DCAF10: variants seen among roughly 807,000 people sequenced by gnomAD.
DCAF10 encodes the protein DDB1 and CUL4 associated factor 10.
A neutral mutation model predicts 51.9 loss-of-function variants in DCAF10; 19 were observed. The observed-to-expected ratio is 0.37, with a 90% CI of 0.26 to 0.54. The LOEUF is 0.54. Among genes scored for constraint, DCAF10 ranks in the 20% least tolerant of loss-of-function variants. The probability of loss-of-function intolerance (pLI) is 0.87; values close to 1 mark genes in which losing one functional copy is unlikely to be tolerated. For missense variants in DCAF10, 510 were observed against 730.6 expected (o/e 0.70, Z 3.48); for synonymous variants, 291 against 297.1 (o/e 0.98, Z 0.21).
chr9:37,849,633 A>T (rs1233427755), intron 3 of DCAF10, among the ~76,000 whole-genome samples: 1 of 152,170 alleles, frequency 6.6e-6, no homozygotes, highest in Non-Finnish European at 1.5e-5. Flanking sequence ...CTGTAATCCC[A>T]GCACTTTGGG....
chr9:37,865,547 T>G lies in DCAF10; in HGVS notation c.*4039T>G, dbSNP rs937122554. Reference sequence around the variant, plus strand: ...CATGATAATTGGTAATGTAGTATAATTGTTAGTAAATGCAGTACAAATTGT... The same window carrying G: ...CATGATAATTGGTAATGTAGTATAAGTGTTAGTAAATGCAGTACAAATTGT... On this transcript the variant is annotated 3_prime_UTR_variant, in exon 7 of 7. Coordinates refer to ENST00000377724, the MANE Select transcript of DCAF10 (RefSeq NM_024345.5). The G allele has an allele frequency of 5.3e-5, 8 of 152,214 alleles. No individual in the cohort carries two copies. Among genetic ancestry groups the G allele is most frequent in the African/African-American group, 1.9e-4 (8 of 41,454 alleles). The allele number at this position is 152,214 out of a possible 1,614,324, so 9.4% of individuals were successfully genotyped here.
At chr9:37,858,042 T>C (rs1830904915) in intron 5 of DCAF10, among the ~76,000 whole-genome samples, 2 of 152,222 alleles carry the variant, frequency 1.3e-5, no homozygotes, top group Non-Finnish European at 2.9e-5. Flanking sequence ...GCTTGCTTTT[T>C]TTTTTGTCAT....
At chr9:37,851,308 A>G (rs770383450) in intron 3 of DCAF10, among the ~76,000 whole-genome samples, 6 of 151,984 alleles carry the variant, frequency 3.9e-5, no homozygotes, top group Admixed American at 6.6e-5. Flanking sequence ...TCAGCCTCTC[A>G]AGTACCTGGG....
intron 1 of DCAF10, among the ~76,000 whole-genome samples, chr9:37,803,821 AC>A (rs1330872423): frequency 1.3e-5 from 2 of 151,160 alleles, no homozygotes; most frequent in African/African-American, 4.9e-5. Context: ...ACTTCTCAAT[AC>A]AGAGAAGGAG....
At chr9:37,857,215 T>C (rs1233552095) in intron 4 of DCAF10, 26 bp from the exon 5 acceptor site, 2 of 1,529,592 alleles carry the variant, frequency 1.3e-6, no homozygotes, top group African/African-American at 2.8e-5. Context: ...GCTAGGTTTA[T>C]TGTCAGAATT....
intron 2 of DCAF10, among the ~76,000 whole-genome samples, chr9:37,833,346 T>C (rs1193042113): frequency 6.6e-6 from 1 of 152,210 alleles, no homozygotes; most frequent in Admixed American, 6.6e-5. Flanking sequence ...TTGAAAATAT[T>C]GGAAGTCAAA....
In DCAF10 at chr9:37,821,548, A is replaced by G. The variant is rs556204540; in HGVS notation, c.653+2147A>G. Among the ~76,000 whole-genome samples, 5 of 152,340 alleles carry G rather than the reference A, an allele frequency of 3.3e-5. No homozygotes were observed. In the South Asian group the frequency reaches 1.0e-3, roughly 32 times the overall value. On this transcript the variant is annotated intron_variant, in intron 2 of 6. Coordinates refer to ENST00000377724, the MANE Select transcript of DCAF10 (RefSeq NM_024345.5). ...AAGTGGGGAAAGGACACCCTTTTCAACAAATGGTGCTAGGATAATTGGCTA... is the reference window on the plus strand; with the variant it reads ...AAGTGGGGAAAGGACACCCTTTTCAGCAAATGGTGCTAGGATAATTGGCTA...
intron 2 of DCAF10, among the ~76,000 whole-genome samples, chr9:37,841,684 T>C (rs1340033279): frequency 6.6e-6 from 1 of 152,214 alleles, no homozygotes; most frequent in African/African-American, 2.4e-5. Flanking sequence ...ATTTTGATTA[T>C]GTGTAATGTG....
Position 37,821,104 on chromosome 9 carries a change from T to TATATATAC in DCAF10, c.653+1704_653+1705insTATATACA, listed in dbSNP as rs61079738. On this transcript the variant is annotated intron_variant, in intron 2 of 6. Transcript: ENST00000377724. Reference sequence around the variant, plus strand: ...GCATATACAAACATATATATATATATACACACACACACACTCACACATATG... The same window carrying TATATATAC: ...GCATATACAAACATATATATATATATATATATACACACACACACACACTCACACATATG... Among the ~76,000 whole-genome samples the TATATATAC allele has an allele frequency of 3.5e-3, 464 of 132,366 alleles. 8 individuals are homozygous for TATATATAC. The highest frequency in any genetic ancestry group is 0.029 in the Admixed American group (383 of 13,174). 86.8% of individuals were successfully genotyped at this position (132,366 alleles called of 152,430 possible).
At chr9:37,822,693 G>A (rs1829741707) in intron 2 of DCAF10, among the ~76,000 whole-genome samples, 1 of 152,040 alleles carries the variant, frequency 6.6e-6, no homozygotes, top group Admixed American at 6.6e-5. Flanking sequence ...ATGGTGCAGT[G>A]TATACTGCTT....
intron 3 of DCAF10, among the ~76,000 whole-genome samples, chr9:37,850,490 C>G (rs1041612473): frequency 2.0e-5 from 3 of 151,896 alleles, no homozygotes; most frequent in Admixed American, 1.3e-4. Context: ...TACGAATGAG[C>G]CTGGAGGACA....
intron 2 of DCAF10, chr9:37,836,272 T>C: frequency 3.2e-6 from 5 of 1,578,744 alleles, no homozygotes; most frequent in Non-Finnish European, 3.5e-6. Flanking sequence ...GTGGAATATA[T>C]TCAGCGAAAC....
intron 2 of DCAF10, among the ~76,000 whole-genome samples, chr9:37,831,826 G>C (rs772233969): frequency 2.5e-4 from 38 of 152,292 alleles, no homozygotes; most frequent in Non-Finnish European, 4.9e-4. Flanking sequence ...GCCGGCATCT[G>C]TAATCCCAGC....
intron 3 of DCAF10, among the ~76,000 whole-genome samples, chr9:37,845,790 T>G (rs1326571472): frequency 1.3e-5 from 2 of 152,164 alleles, no homozygotes; most frequent in African/African-American, 4.8e-5. Flanking sequence ...CTATTCTGAC[T>G]GGCAAGTGTT....
chr9:37,800,767 G>A, upstream of DCAF10: 2 of 1,530,224 alleles, frequency 1.3e-6, no homozygotes, highest in Non-Finnish European at 1.7e-6. Context: ...TCCAGCCGGT[G>A]GGGTTAGGCC....
Position 37,867,432 on chromosome 9 carries a change from C to T in DCAF10, c.*5924C>T, listed in dbSNP as rs571805577. ...AAATTTCACTGCATCTTCAATTGCC[C>T]AACTGTGTTTCCTGATAAATTTTAG... is the stretch of plus-strand genomic sequence containing the variant. On this transcript the variant is annotated 3_prime_UTR_variant, in exon 7 of 7. Transcript: ENST00000377724. The T allele has an allele frequency of 6.6e-6, 1 of 151,554 alleles. No individual in the cohort carries two copies. The highest frequency in any genetic ancestry group is 2.1e-4 in the South Asian group (1 of 4,796). The allele number at this position is 151,554 out of a possible 1,614,324, so 9.4% of individuals were successfully genotyped here. A position where few individuals can be genotyped will look rare whatever the true frequency, so the allele number is the denominator to read the frequency against.
chr9:37,818,983 C>T (rs185083248), intron 1 of DCAF10, among the ~76,000 whole-genome samples: 4 of 152,046 alleles, frequency 2.6e-5, no homozygotes, highest in African/African-American at 7.3e-5. Flanking sequence ...GTAATTAGTT[C>T]TCTAGATTAA....
intron 4 of DCAF10, 143 bp downstream of exon 4, chr9:37,855,125 T>C (rs1232933358): frequency 5.6e-6 from 4 of 709,026 alleles, no homozygotes; most frequent in Non-Finnish European, 4.6e-6. Context: ...CATTGATGGG[T>C]TTTTATCTAA....
intron 6 of DCAF10, among the ~76,000 whole-genome samples, 166 bp from the exon 7 acceptor site, chr9:37,860,974 G>A (rs1403854975): frequency 2.0e-5 from 3 of 152,100 alleles, no homozygotes; most frequent in African/African-American, 4.8e-5. Context: ...AAGAAAGTAG[G>A]GGGCCTACAA....
Sources: gnomAD v4.1 joint callset for allele counts (sites outside exome capture counted in the v4.1 genomes callset) on GRCh38, gnomAD v4.1.1 for gene constraint, MANE v1.5 for transcripts, NCBI Gene and HGNC (gene_info 2026-07-23, HGNC 2026-07-21) for gene names.